KAZN: variants seen among roughly 807,000 people sequenced by gnomAD.
The protein encoded by KAZN is kazrin.
KAZN carries 40 observed loss-of-function variants against 87.4 expected under a neutral mutation model. That is an observed-to-expected ratio of 0.46 (90% CI 0.36 to 0.60). The LOEUF (loss-of-function observed/expected upper bound fraction) is 0.60. Among genes scored for constraint, KAZN ranks in the 20% least tolerant of loss-of-function variants. KAZN has a pLI of 0.00. For synonymous variants in KAZN, 466 were observed against 458.3 expected (o/e 1.02, Z -0.22); for missense variants, 898 against 1,073.9 (o/e 0.84, Z 2.29).
At chr1:13,895,384 T>C (rs1246948146) in intron 1 of KAZN, among the ~76,000 whole-genome samples, 1 of 152,066 alleles carries the variant, frequency 6.6e-6, no homozygotes, top group African/African-American at 2.4e-5. Flanking sequence ...CTAAAGTACC[T>C]CCCCTGCGGC....
intron 1 of KAZN, among the ~76,000 whole-genome samples, chr1:14,712,956 C>G (rs145247682): frequency 6.6e-6 from 1 of 152,298 alleles, no homozygotes; most frequent in East Asian, 1.9e-4. Context: ...CCTATAGATG[C>G]TCATGTATCA....
At chr1:15,044,830 T>G (rs1450425810) in intron 4 of KAZN, among the ~76,000 whole-genome samples, 1 of 152,228 alleles carries the variant, frequency 6.6e-6, no homozygotes, top group Non-Finnish European at 1.5e-5. Context: ...ATATTAATGT[T>G]CATTCTCTCA....
In KAZN at chr1:14,667,159, C is replaced by A. The variant is rs188135043; in HGVS notation, c.226+67936C>A. 1.9e-3 allele frequency among the ~76,000 whole-genome samples: 295 copies of A among 152,292 alleles called. 2 individuals are homozygous for A. The highest frequency in any genetic ancestry group is 3.4e-3 in the Middle Eastern group (1 of 294). On this transcript the variant is annotated intron_variant, in intron 1 of 14. Transcript: ENST00000376030. Reference sequence around the variant, plus strand: ...GATGGATGTGAATTTTTTGTGGACACCATTGAACACACTCTGGCTGTTTAC... The same window carrying A: ...GATGGATGTGAATTTTTTGTGGACAACATTGAACACACTCTGGCTGTTTAC...
At chr1:14,800,760 A>C (rs1645984669) in intron 1 of KAZN, among the ~76,000 whole-genome samples, 1 of 152,162 alleles carries the variant, frequency 6.6e-6, no homozygotes, top group African/African-American at 2.4e-5. Flanking sequence ...ATGTGATGCT[A>C]TGTGAAGCCA....
At chr1:14,473,681 A>G (rs1668573730) in intron 2 of KAZN, among the ~76,000 whole-genome samples, 1 of 151,194 alleles carries the variant, frequency 6.6e-6, no homozygotes, top group Non-Finnish European at 1.5e-5. Context: ...ACTCTTCATC[A>G]TCACAGAAGC....
At chr1:14,430,018 C>A (rs1164844128) in intron 2 of KAZN, among the ~76,000 whole-genome samples, 1 of 152,120 alleles carries the variant, frequency 6.6e-6, no homozygotes, top group Non-Finnish European at 1.5e-5. Context: ...TTGGCTGTTC[C>A]TCAAACACAC....
At chr1:14,771,984 G>T (rs987272204) in intron 1 of KAZN, among the ~76,000 whole-genome samples, 6 of 152,194 alleles carry the variant, frequency 3.9e-5, no homozygotes, top group Non-Finnish European at 8.8e-5. Context: ...TCTCTGGGCT[G>T]CAGGAGACTT....
intron 2 of KAZN, among the ~76,000 whole-genome samples, chr1:14,498,784 C>A (rs1670088638): frequency 6.6e-6 from 1 of 151,794 alleles, no homozygotes; most frequent in African/African-American, 2.4e-5. Context: ...CTCCTGGGTC[C>A]CTCCCTCCAA....
intron 1 of KAZN, among the ~76,000 whole-genome samples, chr1:14,690,414 G>A (rs556170379): frequency 2.0e-5 from 3 of 152,268 alleles, no homozygotes; most frequent in Non-Finnish European, 4.4e-5. Flanking sequence ...ATGTATTCAC[G>A]CTGCAGACCG....
intron 2 of KAZN, among the ~76,000 whole-genome samples, chr1:14,991,462 C>A (rs959473607): frequency 1.3e-5 from 2 of 152,174 alleles, no homozygotes; most frequent in Non-Finnish European, 2.9e-5. Flanking sequence ...TCACAGTGGC[C>A]CTGTCAGAAT....
intron 1 of KAZN, among the ~76,000 whole-genome samples, chr1:13,894,800 C>G (rs1638972980): frequency 6.6e-6 from 1 of 152,172 alleles, no homozygotes; most frequent in East Asian, 1.9e-4. Context: ...TGGGTCCATC[C>G]AGGCCTGAGA....
chr1:14,582,692 G>T (rs1675627247), intron 2 of KAZN, among the ~76,000 whole-genome samples: 1 of 152,216 alleles, frequency 6.6e-6, no homozygotes, highest in South Asian at 2.1e-4. Context: ...ACTTGGAAAA[G>T]AGATTTGAGA....
intron 1 of KAZN, among the ~76,000 whole-genome samples, chr1:14,617,819 A>C (rs1402149207): frequency 6.6e-6 from 1 of 152,244 alleles, no homozygotes; most frequent in Non-Finnish European, 1.5e-5. Flanking sequence ...AAAATCCCAA[A>C]GCGCAAAGTG....
chr1:14,664,942 A>G (rs1345481752), intron 1 of KAZN, among the ~76,000 whole-genome samples: 2 of 152,162 alleles, frequency 1.3e-5, no homozygotes, highest in African/African-American at 2.4e-5. Context: ...GGCATGAGCC[A>G]CCGCACCCGG....
At chr1:14,804,369 G>C (rs1646136779) in intron 1 of KAZN, among the ~76,000 whole-genome samples, 1 of 152,202 alleles carries the variant, frequency 6.6e-6, no homozygotes, top group Non-Finnish European at 1.5e-5. Context: ...CCATGGATGG[G>C]CTGGGTGGGG....
chr1:15,107,747 G>A (rs1042546515), intron 13 of KAZN, among the ~76,000 whole-genome samples: 6 of 152,126 alleles, frequency 3.9e-5, no homozygotes, highest in African/African-American at 1.2e-4. Context: ...CAGGGCAATG[G>A]CTGCAATGTG....
At chr1:14,016,262 A>G (rs1029265300) in intron 1 of KAZN, among the ~76,000 whole-genome samples, 1 of 152,212 alleles carries the variant, frequency 6.6e-6, no homozygotes, top group Non-Finnish European at 1.5e-5. Context: ...CACTTTGCAC[A>G]CATTCCGTGT....
intron 2 of KAZN, among the ~76,000 whole-genome samples, chr1:14,501,049 C>A (rs915457983): frequency 6.6e-6 from 1 of 150,602 alleles, no homozygotes; most frequent in Non-Finnish European, 1.5e-5. Context: ...TCTTCACAGA[C>A]TTTTTCATAA....
intron 2 of KAZN, among the ~76,000 whole-genome samples, chr1:14,341,726 C>G (rs937788411): frequency 5.9e-5 from 9 of 152,322 alleles, no homozygotes; most frequent in Admixed American, 3.9e-4. Context: ...ACTTCCCAAC[C>G]AACACCTGCT....
Sources: allele counts gnomAD v4.1 joint callset (sites outside exome capture counted in the v4.1 genomes callset), GRCh38; gene constraint gnomAD v4.1.1; transcripts MANE v1.5; gene names NCBI Gene and HGNC (gene_info 2026-07-23, HGNC 2026-07-21).